EFCAB8: variants seen among roughly 807,000 people sequenced by gnomAD.
EFCAB8 encodes EF-hand calcium-binding domain-containing protein 8.
EFCAB8 carries 100 observed loss-of-function variants against 116.3 expected under a neutral mutation model. The observed-to-expected ratio is 0.86, with a 90% CI of 0.73 to 1.02. The LOEUF (loss-of-function observed/expected upper bound fraction) is 1.02, where lower values mean the gene tolerates loss of function less well. Among genes scored for constraint, EFCAB8 ranks in the 50% least tolerant of loss-of-function variants. EFCAB8 has a pLI of 0.00. For synonymous variants in EFCAB8, 558 were observed against 567.9 expected (o/e 0.98, Z 0.25); for missense variants, 1,320 against 1,416.9 (o/e 0.93, Z 1.10).
At chr20:32,915,743 C>G (rs748416869) in intron 17 of EFCAB8, among the ~76,000 whole-genome samples, 15 of 151,124 alleles carry the variant, frequency 9.9e-5, no homozygotes, top group Admixed American at 2.6e-4. Context: ...GCAGTCTTGG[C>G]TCACTGCAGC....
intron 23 of EFCAB8, among the ~76,000 whole-genome samples, chr20:32,956,573 G>A (rs1207530516): frequency 1.3e-5 from 2 of 151,986 alleles, no homozygotes; most frequent in African/African-American, 2.4e-5. Flanking sequence ...ATTCTCAGCT[G>A]GCAGTTTCTT....
chr20:32,878,713 G>A lies in EFCAB8; in HGVS notation c.337G>A (p.Val113Met). 6.4e-7 allele frequency: 1 copy of A among 1,551,790 alleles called. No individual in the cohort carries two copies. Among genetic ancestry groups the A allele is most frequent in the African/African-American group, 1.4e-5 (1 of 73,152 alleles). ...CEGFVTWQKY[V>M]DYMMREFQGK... Reference sequence around the variant, plus strand: ...CTTTCTTTCGAGGCAGCAAAAGTATGTGGATTACATGATGCGTGAGTTCCA... The same window carrying A: ...CTTTCTTTCGAGGCAGCAAAAGTATATGGATTACATGATGCGTGAGTTCCA... The change falls in exon 5 of 27, where the codon GTG becomes ATG. Residue 113 changes from valine (V) to methionine (M), a missense_variant. By Grantham distance (21) the Val-to-Met change is conservative. Coordinates refer to ENST00000400522, the MANE Select transcript of EFCAB8 (RefSeq NM_001143967.2).
At chr20:32,937,124 T>C (rs1477615758) in intron 22 of EFCAB8, among the ~76,000 whole-genome samples, 2 of 152,072 alleles carry the variant, frequency 1.3e-5, no homozygotes, top group South Asian at 2.1e-4. Context: ...AAGCATTTTA[T>C]TTTATTTTAA....
chr20:32,906,703 G>A (rs1319066270), intron 12 of EFCAB8, 74 bp downstream of exon 12: 1 of 719,046 alleles, frequency 1.4e-6, no homozygotes, highest in Non-Finnish European at 2.6e-6. Flanking sequence ...CCAGAGCTCA[G>A]GAGAGGGCTG....
At chr20:32,944,038 C>G (rs759159258) in intron 23 of EFCAB8, among the ~76,000 whole-genome samples, 3 of 152,188 alleles carry the variant, frequency 2.0e-5, no homozygotes, top group South Asian at 2.1e-4. Context: ...AATCATATAT[C>G]TGATAAAGCA....
chr20:32,930,305 G>A, intron 20 of EFCAB8, 93 bp from the exon 21 acceptor site: 5 of 1,056,854 alleles, frequency 4.7e-6, no homozygotes, highest in Non-Finnish European at 6.7e-6. Context: ...GAAACTGGGG[G>A]ACCAGGTGGG....
chr20:32,954,876 G>T (rs1170270634), intron 23 of EFCAB8, among the ~76,000 whole-genome samples: 1 of 152,048 alleles, frequency 6.6e-6, no homozygotes, highest in Non-Finnish European at 1.5e-5. Flanking sequence ...TGCATTCCTG[G>T]AGTAAACCCC....
At chr20:32,952,280 A>G (rs891822694) in intron 23 of EFCAB8, among the ~76,000 whole-genome samples, 1 of 152,132 alleles carries the variant, frequency 6.6e-6, no homozygotes, top group African/African-American at 2.4e-5. Flanking sequence ...AAGAAAAAAA[A>G]AATCAGAAGT....
At position 32,867,471 on chromosome 20, in the gene EFCAB8, A is replaced by G. The variant is rs1023884379; in HGVS notation, c.43-111A>G. ...GTATTTCTGTCAGTGACATCATAAC[A>G]CTACTTACCTTGTTCTTTCTCAAAG... On this transcript the variant is annotated intron_variant, in intron 2 of 26. Coordinates refer to ENST00000400522, the MANE Select transcript of EFCAB8 (RefSeq NM_001143967.2). 24 of 1,195,260 alleles carry G rather than the reference A, an allele frequency of 2.0e-5. No homozygotes were observed. The African/African-American group carries it at 3.4e-4, about 17-fold the overall frequency. The allele number at this position is 1,195,260 out of a possible 1,614,324, so 74.0% of individuals were successfully genotyped here.
chr20:32,875,938 A>G lies in EFCAB8; in HGVS notation c.221A>G (p.Asp74Gly). The G allele has an allele frequency of 6.4e-7, 1 of 1,551,770 alleles. No homozygotes were observed. The highest frequency in any genetic ancestry group is 8.7e-7 in the Non-Finnish European group (1 of 1,146,952). The change falls in exon 4 of 27, where the codon GAC (aspartate) becomes GGC (glycine). Residue 74 changes from aspartate to glycine, a missense_variant. By Grantham distance (94) the Asp-to-Gly change is moderately conservative. Coordinates refer to ENST00000400522, the MANE Select transcript of EFCAB8 (RefSeq NM_001143967.2). Reference protein sequence around the residue: ...DINSTGALGMDAFIKAMKKVL... With the variant: ...DINSTGALGMGAFIKAMKKVL... Reference sequence around the variant, plus strand: ...TCTCTCTTTGAAGCCCTGGGCATGGACGCCTTCATCAAGGCCATGAAGAAG... The same window carrying G: ...TCTCTCTTTGAAGCCCTGGGCATGGGCGCCTTCATCAAGGCCATGAAGAAG...
At chr20:32,942,902 C>T (rs1231830991) in intron 22 of EFCAB8, among the ~76,000 whole-genome samples, 1 of 152,156 alleles carries the variant, frequency 6.6e-6, no homozygotes, top group South Asian at 2.1e-4. Flanking sequence ...ACCACTCTTA[C>T]TATATACCAG....
chr20:32,926,695 G>A (rs1444756029), intron 20 of EFCAB8, among the ~76,000 whole-genome samples: 1 of 132,942 alleles, frequency 7.5e-6, no homozygotes, highest in Non-Finnish European at 1.6e-5. Flanking sequence ...AGAGTGTGAT[G>A]TTCCCCTTCC....
At chr20:32,862,275 C>A (rs1321290845) in intron 1 of EFCAB8, among the ~76,000 whole-genome samples, 12 of 151,882 alleles carry the variant, frequency 7.9e-5, no homozygotes, top group Admixed American at 7.9e-4. Context: ...GGTGTATAGG[C>A]ATGTGCCACC....
At chr20:32,916,755 T>C (rs1323049585) in intron 17 of EFCAB8, among the ~76,000 whole-genome samples, 1 of 152,130 alleles carries the variant, frequency 6.6e-6, no homozygotes, top group Non-Finnish European at 1.5e-5. Flanking sequence ...TCATTTATAA[T>C]TATAAAGTAT....
chr20:32,917,941 C>T (rs986318109), intron 18 of EFCAB8, among the ~76,000 whole-genome samples: 2 of 152,150 alleles, frequency 1.3e-5, no homozygotes, highest in East Asian at 1.9e-4. Context: ...CCTTAGGGGC[C>T]GCCTCATCCA....
chr20:32,922,688 AT>A (rs1987508063), intron 20 of EFCAB8, among the ~76,000 whole-genome samples: 1 of 152,176 alleles, frequency 6.6e-6, no homozygotes, highest in African/African-American at 2.4e-5. Context: ...TGGCATCTGC[AT>A]AGAGCCTGAA....
intron 13 of EFCAB8, 55 bp from the exon 14 acceptor site, chr20:32,908,220 C>G: frequency 8.0e-7 from 1 of 1,246,876 alleles, no homozygotes; most frequent in Non-Finnish European, 1.0e-6. Context: ...GCTTCAGGAG[C>G]CGGCTACATC....
chr20:32,860,950 G>A (rs911343573), intron 1 of EFCAB8, among the ~76,000 whole-genome samples: 1 of 152,056 alleles, frequency 6.6e-6, no homozygotes, highest in African/African-American at 2.4e-5. Context: ...ATGTTGCCCA[G>A]GCTGGTCTCA....
chr20:32,883,510 C>T (rs1985448249), intron 5 of EFCAB8, among the ~76,000 whole-genome samples: 1 of 152,080 alleles, frequency 6.6e-6, no homozygotes, highest in South Asian at 2.1e-4. Context: ...GCTTGAATGG[C>T]GATTTACATA....
Sources: gnomAD v4.1 joint callset for allele counts (sites outside exome capture counted in the v4.1 genomes callset) on GRCh38, gnomAD v4.1.1 for gene constraint, MANE v1.5 for transcripts, NCBI Gene and HGNC (gene_info 2026-07-23, HGNC 2026-07-21) for gene names.